CNTN6: variants seen among roughly 807,000 people sequenced by gnomAD.
The protein encoded by CNTN6 is contactin 6.
Under a neutral mutation model 122.8 loss-of-function variants are expected in CNTN6, and 137 were observed. That is an observed-to-expected ratio of 1.12 (90% confidence interval 0.97 to 1.29). The LOEUF (loss-of-function observed/expected upper bound fraction) is 1.29. CNTN6 is among the 50% of genes most tolerant of loss of function. The pLI is 0.00. For synonymous variants in CNTN6, 570 were observed against 426.0 expected, an observed-to-expected ratio of 1.34 and a Z score of -4.16; for missense variants, 1,634 against 1,223.4, an observed-to-expected ratio of 1.34 and a Z score of -5.01.
chr3:1,298,122 C>T, intron 7 of CNTN6, 131 bp downstream of exon 7: 1 of 637,278 alleles, frequency 1.6e-6, no homozygotes, highest in Non-Finnish European at 2.7e-6. Flanking sequence ...AACAGTGGAA[C>T]TTTCTGATTT....
rs1277911729 is a variant in CNTN6, at chr3:1,220,752, T to C, written c.121T>C (p.Leu41=). ...EPHDVIFPLD[L]SKSEVILNCA... ...ACATGATGTCATTTTTCCTTTGGAT[T>C]TATCAAAATCTGAGGTCATCCTGAA... Residue 41 remains leucine, a synonymous_variant, in exon 3 of 23, where the codon TTA becomes CTA. Coordinates refer to ENST00000446702, the MANE Select transcript of CNTN6 (RefSeq NM_001289080.2). The C allele has an allele frequency of 6.2e-7, 1 of 1,613,422 alleles. No homozygotes were observed. Among genetic ancestry groups the C allele is most frequent in the South Asian group, 1.1e-5 (1 of 91,022 alleles).
chr3:1,221,701 T>TTGTGGGAATAATTTACAA (rs1308773697), intron 3 of CNTN6, among the ~76,000 whole-genome samples: 1 of 152,220 alleles, frequency 6.6e-6, no homozygotes, highest in Non-Finnish European at 1.5e-5. Flanking sequence ...AATTTAAAAA[T>TTGTGGGAATAATTTACAA]ATATGCATAC....
chr3:1,150,433 C>T (rs1386313515), intron 2 of CNTN6, among the ~76,000 whole-genome samples: 2 of 152,140 alleles, frequency 1.3e-5, no homozygotes, highest in Admixed American at 1.3e-4. Context: ...AATTTTTTGA[C>T]AACCTCTCCC....
chr3:1,372,335 A>G lies in CNTN6; in HGVS notation c.1529A>G (p.Asp510Gly). Residue 510 changes from aspartate to glycine, a missense_variant, in exon 13 of 23, where the codon GAT (aspartate) becomes GGT (glycine). Physicochemically the swap from Asp to Gly is moderately conservative, Grantham distance 94 (BLOSUM62 -1). Transcript: ENST00000446702. The part of the protein sequence containing the change: ...TVITVPPSKM[D>G]VTVGESIVLP... ...ATTACCGTCCCACCTTCCAAAATGGATGTTACAGTTGGCGAGAGTATAGTG... is the reference window on the plus strand; with the variant it reads ...ATTACCGTCCCACCTTCCAAAATGGGTGTTACAGTTGGCGAGAGTATAGTG... 6.2e-7 allele frequency: 1 copy of G among 1,611,878 alleles called. No individual in the cohort carries two copies. Among genetic ancestry groups the G allele is most frequent in the Non-Finnish European group, 8.5e-7 (1 of 1,179,094 alleles).
intron 12 of CNTN6, among the ~76,000 whole-genome samples, chr3:1,364,548 C>A (rs1013772499): frequency 2.0e-5 from 3 of 151,486 alleles, no homozygotes; most frequent in African/African-American, 7.3e-5. Flanking sequence ...TCTGTATGGT[C>A]AGGAAAGATG....
intron 17 of CNTN6, among the ~76,000 whole-genome samples, chr3:1,381,739 A>C (rs762493834): frequency 4.6e-5 from 7 of 151,900 alleles, no homozygotes; most frequent in Non-Finnish European, 7.4e-5. Context: ...CTTAGCTTCT[A>C]TTGCCTCACT....
At chr3:1,297,848 T>C (rs771720459) in intron 6 of CNTN6, 41 bp from the exon 7 acceptor site, 36 of 1,503,062 alleles carry the variant, frequency 2.4e-5, no homozygotes, top group Middle Eastern at 3.4e-4. Flanking sequence ...AGAAAACTTC[T>C]ATTCTCCAGA....
chr3:1,245,668 C>G lies in CNTN6; in HGVS notation c.358+17675C>G, dbSNP rs2094573292. On this transcript the variant is annotated intron_variant, in intron 4 of 22. Coordinates refer to ENST00000446702, the MANE Select transcript of CNTN6 (RefSeq NM_001289080.2). ...TCATGTAACCAAACACCACCTGTTT[C>G]CCAAAAACCTATTGAAATAAAAAAA... Among the ~76,000 whole-genome samples the G allele has an allele frequency of 2.6e-5, 4 of 151,020 alleles. No homozygotes were observed. In the South Asian group the frequency reaches 8.4e-4, roughly 32 times the overall value.
At chr3:1,139,105 A>T (rs542701222) in intron 1 of CNTN6, among the ~76,000 whole-genome samples, 20 of 152,242 alleles carry the variant, frequency 1.3e-4, no homozygotes, top group Middle Eastern at 3.4e-3. Context: ...AGTTTTTATT[A>T]AAAAAACTGC....
intron 12 of CNTN6, among the ~76,000 whole-genome samples, chr3:1,360,380 T>A (rs1707276335): frequency 6.6e-6 from 1 of 152,094 alleles, no homozygotes; most frequent in Non-Finnish European, 1.5e-5. Flanking sequence ...TTTGGCAGGC[T>A]TTGTCGCTGT....
At chr3:1,335,931 T>A (rs1197259792) in intron 11 of CNTN6, among the ~76,000 whole-genome samples, 1 of 151,720 alleles carries the variant, frequency 6.6e-6, no homozygotes, top group Non-Finnish European at 1.5e-5. Flanking sequence ...AGCTAATGGA[T>A]GGGGGTGGGA....
chr3:1,123,084 C>T (rs1372692132), intron 1 of CNTN6, among the ~76,000 whole-genome samples: 3 of 151,772 alleles, frequency 2.0e-5, no homozygotes, highest in African/African-American at 7.2e-5. Context: ...AAGTATAAGT[C>T]CTTCAAGTTT....
At chr3:1,217,847 C>G (rs771856182) in intron 2 of CNTN6, among the ~76,000 whole-genome samples, 14 of 152,182 alleles carry the variant, frequency 9.2e-5, no homozygotes, top group Non-Finnish European at 2.1e-4. Context: ...GTGCCTTTAA[C>G]TCAACAATCC....
chr3:1,228,456 C>T (rs1264402734), intron 4 of CNTN6, among the ~76,000 whole-genome samples: 3 of 152,112 alleles, frequency 2.0e-5, no homozygotes, highest in African/African-American at 7.2e-5. Flanking sequence ...TTGCCAAAGG[C>T]AGGCTTTATA....
chr3:1,098,097 G>A lies in CNTN6; in HGVS notation c.-83+4977G>A, dbSNP rs866366826. Among the ~76,000 whole-genome samples, 81 of 108,248 alleles carry A rather than the reference G, an allele frequency of 7.5e-4. 1 individual carries two copies. Among genetic ancestry groups the A allele is most frequent in the African/African-American group, 5.9e-3 (71 of 11,998 alleles). The allele number at this position is 108,248 out of a possible 152,430, so 71.0% of individuals were successfully genotyped here. A position where few individuals can be genotyped will look rare whatever the true frequency, so the allele number is the denominator to read the frequency against. On this transcript the variant is annotated intron_variant, in intron 1 of 22. Transcript: ENST00000446702. ...ATCAAGAAAAAGGGTATATTTGCGG[G>A]GGGGGGAGGGATAGCATTGGGAGAT...
At chr3:1,365,298 G>C (rs1413888070) in intron 12 of CNTN6, among the ~76,000 whole-genome samples, 1 of 151,916 alleles carries the variant, frequency 6.6e-6, no homozygotes, top group African/African-American at 2.4e-5. Context: ...ATCTTTAAAA[G>C]ATTAAGGAAT....
intron 4 of CNTN6, among the ~76,000 whole-genome samples, chr3:1,259,584 A>C (rs1374089311): frequency 6.6e-6 from 1 of 151,804 alleles, no homozygotes; most frequent in African/African-American, 2.4e-5. Flanking sequence ...ACTAAATACA[A>C]GATGCATAAA....
chr3:1,352,868 T>C (rs968631707), intron 12 of CNTN6, among the ~76,000 whole-genome samples: 4 of 151,762 alleles, frequency 2.6e-5, no homozygotes, highest in African/African-American at 9.7e-5. Flanking sequence ...AATTTGTTTA[T>C]ATAACTCCAG....
chr3:1,248,890 G>C (rs1428800423), intron 4 of CNTN6, among the ~76,000 whole-genome samples: 2 of 152,142 alleles, frequency 1.3e-5, no homozygotes, highest in African/African-American at 2.4e-5. Flanking sequence ...GTGAAGCTAG[G>C]ATTTGATGCC....
Sources: allele counts gnomAD v4.1 joint callset (sites outside exome capture counted in the v4.1 genomes callset), GRCh38; gene constraint gnomAD v4.1.1; transcripts MANE v1.5; gene names NCBI Gene and HGNC (gene_info 2026-07-23, HGNC 2026-07-21).